Variants in EVA1A observed in about 807,000 individuals in gnomAD.
EVA1A encodes protein eva-1 homolog A.
A neutral mutation model predicts 9.8 loss-of-function variants in EVA1A; 7 were observed. The ratio of observed to expected loss-of-function variants is 0.71; its 90% confidence interval spans 0.41 to 1.34. The LOEUF is 1.34. EVA1A is among the 40% of genes most tolerant of loss of function. The pLI is 0.01. For missense variants in EVA1A, 206 were observed against 205.9 expected, an observed-to-expected ratio of 1.00 and a Z score of 0.00; for synonymous variants, 90 against 85.6, an observed-to-expected ratio of 1.05 and a Z score of -0.28.
intron 1 of EVA1A, among the ~76,000 whole-genome samples, chr2:75,538,563 G>T (rs923823607): frequency 3.3e-5 from 5 of 152,132 alleles, no homozygotes; most frequent in Non-Finnish European, 7.3e-5. Flanking sequence ...AGCTGTATTT[G>T]CAATAGCCCA....
chr2:75,502,658 GATAC>G (rs1406827832), intron 3 of EVA1A, among the ~76,000 whole-genome samples: 1 of 152,196 alleles, frequency 6.6e-6, no homozygotes, highest in Admixed American at 6.5e-5. Context: ...ATAGATGATA[GATAC>G]ATACATACAT....
intron 1 of EVA1A, among the ~76,000 whole-genome samples, chr2:75,534,628 A>G (rs948230052): frequency 6.6e-6 from 1 of 152,204 alleles, no homozygotes; most frequent in Non-Finnish European, 1.5e-5. Context: ...AATTAAAGAT[A>G]GCTATTGGCA....
intron 3 of EVA1A, among the ~76,000 whole-genome samples, chr2:75,516,771 T>G (rs992520344): frequency 2.0e-5 from 3 of 152,234 alleles, no homozygotes; most frequent in Non-Finnish European, 4.4e-5. Flanking sequence ...ATTTGGGGGA[T>G]AGCTTCACTA....
intron 3 of EVA1A, 127 bp downstream of exon 3, chr2:75,517,929 G>T: frequency 9.1e-7 from 1 of 1,095,640 alleles, no homozygotes; most frequent in Non-Finnish European, 1.4e-6. Flanking sequence ...GCTCAGCAAA[G>T]CAGAGCAGTA....
chr2:75,493,229 C>T lies in EVA1A; in HGVS notation c.*7G>A, dbSNP rs771468569. 1 of 1,602,860 alleles carries T rather than the reference C, an allele frequency of 6.2e-7. No individual in the cohort carries two copies. Among genetic ancestry groups the T allele is most frequent in the South Asian group, 1.1e-5 (1 of 89,646 alleles). On this transcript the variant is annotated 3_prime_UTR_variant, in exon 4 of 4. Transcript: ENST00000393913. The stretch of plus-strand genomic sequence containing the variant: ...GCCTCCAGTGGTTTCCGGGGTCCTG[C>T]TGCTCCCTAATAGTAGCGATTCAGG...
At position 75,493,377 on chromosome 2, in the gene EVA1A, AG is replaced by A. The variant is rs1232989935; in HGVS notation, c.317del (p.Thr106IlefsTer2). On this transcript the variant is annotated frameshift_variant, in exon 4 of 4. Coordinates refer to ENST00000393913, the MANE Select transcript of EVA1A (RefSeq NM_001135032.2). LOFTEE classifies it high-confidence loss of function. ...CAGAGGTGAACACATTCTTGTTCAA[AG>A]TCCTCTCGAAGCGGCGGTGTCTCCG... Reference protein sequence around the residue: ...SVRRHRRFERTLNKNVFTSAE... With the variant: ...SVRRHRRFERXLNKNVFTSAE... 6.2e-7 allele frequency: 1 copy of A among 1,614,118 alleles called. No individual in the cohort carries two copies. Among genetic ancestry groups the A allele is most frequent in the Non-Finnish European group, 8.5e-7 (1 of 1,180,056 alleles).
At chr2:75,520,142 T>C (rs1323827359) in intron 2 of EVA1A, among the ~76,000 whole-genome samples, 1 of 152,156 alleles carries the variant, frequency 6.6e-6, no homozygotes, top group Non-Finnish European at 1.5e-5. Context: ...GCTTAGAGCT[T>C]CAACAATACT....
intron 3 of EVA1A, among the ~76,000 whole-genome samples, chr2:75,495,479 C>G (rs1572941159): frequency 6.6e-6 from 1 of 152,278 alleles, no homozygotes; most frequent in South Asian, 2.1e-4. Context: ...TGGCTTGTTC[C>G]AGGTCACGCT....
chr2:75,526,905 G>T (rs530481729), intron 1 of EVA1A, among the ~76,000 whole-genome samples: 2 of 152,312 alleles, frequency 1.3e-5, no homozygotes, highest in South Asian at 4.1e-4. Flanking sequence ...TGTTGGAGAA[G>T]CCAGAGATGG....
chr2:75,529,609 G>T (rs773614161), intron 1 of EVA1A, among the ~76,000 whole-genome samples: 2 of 152,106 alleles, frequency 1.3e-5, no homozygotes, highest in African/African-American at 4.8e-5. Flanking sequence ...TCAAAACCAT[G>T]CAAATATATG....
chr2:75,563,490 A>ATG (rs1676963311), upstream of EVA1A, among the ~76,000 whole-genome samples: 1 of 152,196 alleles, frequency 6.6e-6, no homozygotes, highest in Non-Finnish European at 1.5e-5. Context: ...ACGTGTGTTC[A>ATG]TGTGTGTGTG....
rs71403226 is a variant in EVA1A at position 75,548,983 on chromosome 2, A to AATAT, written c.-192+11693_-192+11696dup. 2.3e-3 allele frequency among the ~76,000 whole-genome samples: 302 copies of AATAT among 133,676 alleles called. 5 individuals carry two copies. The highest frequency in any genetic ancestry group is 2.3e-3 in the Non-Finnish European group (150 of 64,140). 87.7% of individuals were successfully genotyped at this position (133,676 alleles called of 152,430 possible). A position where few individuals can be genotyped will look rare whatever the true frequency, so the allele number is the denominator to read the frequency against. ...TGAACTGATGACTGGCTAAATGAAA[A>AATAT]ATATATATATATATATATATATATA... On this transcript the variant is annotated intron_variant, in intron 1 of 3. Coordinates refer to ENST00000393913, the MANE Select transcript of EVA1A (RefSeq NM_001135032.2).
At chr2:75,531,693 T>TAAG (rs756020832) in intron 1 of EVA1A, among the ~76,000 whole-genome samples, 1 of 152,092 alleles carries the variant, frequency 6.6e-6, no homozygotes, top group Non-Finnish European at 1.5e-5. Context: ...TTCTCACCTT[T>TAAG]AAGTGGGAGC....
At chr2:75,501,742 T>C (rs11890303) in intron 3 of EVA1A, among the ~76,000 whole-genome samples, 9,857 of 152,240 alleles carry the variant, frequency 0.065, 434 homozygotes, top group Middle Eastern at 0.16. Context: ...TCTGCTCTCA[T>C]GGATAGAGGA....
In EVA1A at chr2:75,493,327, C is replaced by A. The variant is rs370520675; in HGVS notation, c.368G>T (p.Arg123Leu). 2.5e-6 allele frequency: 4 copies of A among 1,614,084 alleles called. No individual in the cohort carries two copies. The African/African-American group carries it at 5.3e-5, about 22-fold the overall frequency. The change falls in exon 4 of 4, where the codon CGG becomes CTG. Residue 123 changes from arginine to leucine, a missense_variant. By Grantham distance (102) the Arg-to-Leu change is moderately radical (BLOSUM62 -2). Transcript: ENST00000393913. ...GATGATGCGCTCGCGCTCCTCCAGC[C>A]GCTGGGCGCGCTCCAGCTCCTCCGC... ...TSAEELERAQ[R>L]LEERERIIRE...
At chr2:75,527,445 C>T (rs1363674607) in intron 1 of EVA1A, among the ~76,000 whole-genome samples, 3 of 152,192 alleles carry the variant, frequency 2.0e-5, no homozygotes, top group Non-Finnish European at 4.4e-5. Context: ...ACTGGGGTGT[C>T]AGAGGCAGCC....
chr2:75,566,347 G>A (rs11884437), intron 1 of EVA1A, among the ~76,000 whole-genome samples: 1,863 of 150,568 alleles, frequency 0.012, 16 homozygotes, highest in Admixed American at 0.02. Flanking sequence ...AAAAACCCAC[G>A]TTCTCCAGGC....
chr2:75,517,071 CT>C (rs919334069), intron 3 of EVA1A, among the ~76,000 whole-genome samples: 1 of 151,042 alleles, frequency 6.6e-6, no homozygotes. Context: ...CTGAGCAGTC[CT>C]TTTTTTTTCT....
chr2:75,546,299 A>G (rs77302236), intron 1 of EVA1A, among the ~76,000 whole-genome samples: 5,951 of 152,166 alleles, frequency 0.039, 334 homozygotes, highest in African/African-American at 0.13. Context: ...TCACCTTTAT[A>G]TCCTTGGAGC....
Sources: gnomAD v4.1 joint callset for allele counts (sites outside exome capture counted in the v4.1 genomes callset) on GRCh38, gnomAD v4.1.1 for gene constraint, MANE v1.5 for transcripts, NCBI Gene and HGNC (gene_info 2026-07-23, HGNC 2026-07-21) for gene names.